Variants in RSRC1 observed in about 807,000 individuals in gnomAD.
The protein encoded by RSRC1 is arginine and serine rich coiled-coil 1, also known as serine/Arginine-related protein 53.
Under a neutral mutation model 49.1 loss-of-function variants are expected in RSRC1, and 39 were observed. The observed-to-expected ratio is 0.79, with a 90% confidence interval of 0.61 to 1.04. The LOEUF is 1.04. Among genes scored for constraint, RSRC1 ranks in the 50% least tolerant of loss-of-function variants. The pLI is 0.00. For missense variants in RSRC1, 388 were observed against 402.4 expected, an observed-to-expected ratio of 0.96 and a Z score of 0.31; for synonymous variants, 143 against 130.8, an observed-to-expected ratio of 1.09 and a Z score of -0.63.
intron 4 of RSRC1, among the ~76,000 whole-genome samples, chr3:158,268,541 C>T (rs2108050224): frequency 6.6e-6 from 1 of 152,248 alleles, no homozygotes; most frequent in East Asian, 1.9e-4. Flanking sequence ...CAGCCATAGC[C>T]ATAGGAGTGT....
chr3:158,245,286 A>ACTCTT (rs1723828577), intron 4 of RSRC1, among the ~76,000 whole-genome samples: 4 of 152,070 alleles, frequency 2.6e-5, no homozygotes, highest in Admixed American at 2.6e-4. Flanking sequence ...TGTACTCAAG[A>ACTCTT]GTCATTTAGG....
At chr3:158,363,067 C>A (rs543257032) in intron 6 of RSRC1, among the ~76,000 whole-genome samples, 1 of 152,198 alleles carries the variant, frequency 6.6e-6, no homozygotes, top group South Asian at 2.1e-4. Context: ...GTATCTACAA[C>A]CTTTGGATTG....
chr3:158,168,996 C>T (rs983218273), intron 3 of RSRC1, among the ~76,000 whole-genome samples: 9 of 152,232 alleles, frequency 5.9e-5, no homozygotes, highest in East Asian at 1.9e-4. Context: ...GAACCCACCT[C>T]GTTGTTCCCG....
chr3:158,259,007 TTC>T (rs1187130161), intron 4 of RSRC1, among the ~76,000 whole-genome samples: 1 of 152,238 alleles, frequency 6.6e-6, no homozygotes, highest in African/African-American at 2.4e-5. Context: ...CTATTTTGAA[TTC>T]TGTCTGAAAG....
chr3:158,532,632 A>G (rs971570587), intron 7 of RSRC1, among the ~76,000 whole-genome samples: 1 of 151,832 alleles, frequency 6.6e-6, no homozygotes, highest in Non-Finnish European at 1.5e-5. Flanking sequence ...TGAGTTAAGT[A>G]TTGATTATTG....
intron 6 of RSRC1, among the ~76,000 whole-genome samples, chr3:158,421,268 C>G (rs1440691975): frequency 6.6e-6 from 1 of 151,964 alleles, no homozygotes; most frequent in Non-Finnish European, 1.5e-5. Flanking sequence ...ATAGGTGATT[C>G]GTGGCCTTAT....
At chr3:158,129,379 C>T (rs944530280) in intron 3 of RSRC1, among the ~76,000 whole-genome samples, 27 of 147,350 alleles carry the variant, frequency 1.8e-4, no homozygotes, top group African/African-American at 6.8e-4. Context: ...CAACCTCTGC[C>T]TCCTGGGTTC....
chr3:158,247,600 T>A (rs827179), intron 4 of RSRC1, among the ~76,000 whole-genome samples: 72,322 of 151,898 alleles, frequency 0.48, 17,771 homozygotes, highest in East Asian at 0.64. Flanking sequence ...GTTGTTGTGT[T>A]TTCTGTTTGT....
chr3:158,227,061 G>T lies in RSRC1; in HGVS notation c.494+23816G>T, dbSNP rs370406917. On this transcript the variant is annotated intron_variant, in intron 4 of 9. Transcript: ENST00000611884. ...AAGAAAATTAAATACTAAGATATAA[G>T]ATTTTGTTGGGTTGGTTTAGCTTTG... Among the ~76,000 whole-genome samples the T allele has an allele frequency of 2.6e-5, 4 of 151,770 alleles. No homozygotes were observed. In the East Asian group the frequency reaches 7.8e-4, roughly 30 times the overall value.
chr3:158,134,067 C>T (rs1262293522), intron 3 of RSRC1, among the ~76,000 whole-genome samples: 1 of 149,958 alleles, frequency 6.7e-6, no homozygotes, highest in Non-Finnish European at 1.5e-5. Flanking sequence ...AGAAAATGGC[C>T]CTGGAGTATG....
chr3:158,317,465 A>G (rs1031287338), intron 5 of RSRC1, among the ~76,000 whole-genome samples: 17 of 152,214 alleles, frequency 1.1e-4, no homozygotes, highest in African/African-American at 2.9e-4. Context: ...CCTGAGCTCA[A>G]GTGATCCACC....
intron 6 of RSRC1, among the ~76,000 whole-genome samples, chr3:158,435,542 A>G (rs1462604549): frequency 6.6e-6 from 1 of 151,684 alleles, no homozygotes; most frequent in Non-Finnish European, 1.5e-5. Flanking sequence ...GAAAATTCAT[A>G]AGATTTACTG....
intron 3 of RSRC1, among the ~76,000 whole-genome samples, chr3:158,141,974 T>C (rs931403711): frequency 1.3e-5 from 2 of 152,156 alleles, no homozygotes; most frequent in African/African-American, 4.8e-5. Context: ...GGTGCACGCC[T>C]GTAGTCCCAG....
chr3:158,182,507 T>G (rs1467918324), intron 3 of RSRC1, among the ~76,000 whole-genome samples: 1 of 152,188 alleles, frequency 6.6e-6, no homozygotes, highest in African/African-American at 2.4e-5. Flanking sequence ...GGAATTTTTT[T>G]AGTTCTTGGT....
intron 5 of RSRC1, among the ~76,000 whole-genome samples, chr3:158,311,633 AAT>A: frequency 6.6e-6 from 1 of 152,018 alleles, no homozygotes; most frequent in Non-Finnish European, 1.5e-5. Flanking sequence ...AAATTCTGGA[AAT>A]CTAATGTACA....
intron 4 of RSRC1, among the ~76,000 whole-genome samples, chr3:158,296,976 A>G (rs1188154613): frequency 1.3e-5 from 2 of 152,090 alleles, no homozygotes; most frequent in Non-Finnish European, 2.9e-5. Context: ...ACAGGTAAGT[A>G]TATCTTTGGC....
intron 5 of RSRC1, among the ~76,000 whole-genome samples, chr3:158,325,868 A>C (rs2108180211): frequency 6.6e-6 from 1 of 152,262 alleles, no homozygotes; most frequent in African/African-American, 2.4e-5. Context: ...TGAGCATGGA[A>C]TGTTCTTCCA....
chr3:158,430,270 A>G (rs897442799), intron 6 of RSRC1, among the ~76,000 whole-genome samples: 4 of 151,828 alleles, frequency 2.6e-5, no homozygotes, highest in African/African-American at 9.7e-5. Flanking sequence ...CAAAGCAGCG[A>G]TGGCAGTCAT....
At chr3:158,190,215 A>G (rs1008474756) in intron 3 of RSRC1, among the ~76,000 whole-genome samples, 3 of 152,046 alleles carry the variant, frequency 2.0e-5, no homozygotes, top group Non-Finnish European at 4.4e-5. Context: ...ATCAGGATAT[A>G]TCTCAGGGTT....
Sources: allele counts gnomAD v4.1 joint callset (sites outside exome capture counted in the v4.1 genomes callset), GRCh38; gene constraint gnomAD v4.1.1; transcripts MANE v1.5; gene names NCBI Gene and HGNC (gene_info 2026-07-23, HGNC 2026-07-21).